WDR49: variants seen among roughly 807,000 people sequenced by gnomAD.
WDR49 encodes WD repeat domain 49.
Under a neutral mutation model 119.5 loss-of-function variants are expected in WDR49, and 107 were observed. The ratio of observed to expected loss-of-function variants is 0.90; its 90% CI spans 0.77 to 1.05. WDR49 has a LOEUF of 1.05. Ranked by LOEUF, WDR49 falls within the 50% of genes least tolerant of loss-of-function variation. The pLI is 0.00. For missense variants in WDR49, 1,240 were observed against 1,220.5 expected, an observed-to-expected ratio of 1.02 and a Z score of -0.24; for synonymous variants, 425 against 418.8, an observed-to-expected ratio of 1.01 and a Z score of -0.18.
chr3:167,585,965 G>A (rs899083651), intron 7 of WDR49, among the ~76,000 whole-genome samples: 1 of 152,054 alleles, frequency 6.6e-6, no homozygotes, highest in African/African-American at 2.4e-5. Context: ...TACTTTAAAT[G>A]AAAATCCTTT....
rs972025765 is a variant in WDR49 at position 167,620,618 on chromosome 3, TGAAA to T, written c.784-19_784-16del. The T allele has an allele frequency of 1.1e-5, 17 of 1,521,518 alleles. No homozygotes were observed. In the African/African-American group the frequency reaches 1.4e-4, roughly 12 times the overall value. 94.3% of individuals were successfully genotyped at this position (1,521,518 alleles called of 1,614,324 possible). ...ATTGCTTGAACCTTGACAGAGACAT[TGAAA>T]GAACAACAATCGTGGACGGGATATT... On this transcript the variant is annotated splice_polypyrimidine_tract_variant and intron_variant, in intron 4 of 18. Coordinates refer to ENST00000682715, the MANE Select transcript of WDR49 (RefSeq NM_001366157.1).
At chr3:167,605,547 G>A (rs774186119) in intron 5 of WDR49, among the ~76,000 whole-genome samples, 3 of 152,056 alleles carry the variant, frequency 2.0e-5, no homozygotes, top group Non-Finnish European at 4.4e-5. Context: ...GAGAAAAAAC[G>A]TGTAAATCAA....
chr3:167,563,276 C>T (rs1713381604), intron 8 of WDR49, among the ~76,000 whole-genome samples: 1 of 150,490 alleles, frequency 6.6e-6, no homozygotes, highest in South Asian at 2.1e-4. Context: ...AGGGCGTGAA[C>T]CCGGGAGGCG....
At chr3:167,543,463 C>G (rs1232323052) in intron 10 of WDR49, among the ~76,000 whole-genome samples, 1 of 151,924 alleles carries the variant, frequency 6.6e-6, no homozygotes, top group African/African-American at 2.4e-5. Context: ...GGTTTCATAC[C>G]AGGGATGCAG....
chr3:167,625,060 G>A (rs1207656745), intron 3 of WDR49, among the ~76,000 whole-genome samples: 1 of 152,008 alleles, frequency 6.6e-6, no homozygotes, highest in Non-Finnish European at 1.5e-5. Context: ...ATTTTGAGAG[G>A]ATGAATAGAT....
intron 17 of WDR49, among the ~76,000 whole-genome samples, chr3:167,504,506 C>A (rs1006711290): frequency 6.6e-6 from 1 of 152,166 alleles, no homozygotes; most frequent in African/African-American, 2.4e-5. Flanking sequence ...AATGCCTATG[C>A]CCCCATTTTA....
intron 5 of WDR49, among the ~76,000 whole-genome samples, chr3:167,619,605 G>A (rs1716769759): frequency 6.6e-6 from 1 of 152,128 alleles, no homozygotes; most frequent in African/African-American, 2.4e-5. Flanking sequence ...TTGGGTCCAT[G>A]TTGACTGTCT....
At position 167,620,521 on chromosome 3, in the gene WDR49, A is replaced by G; in HGVS notation, c.866T>C (p.Met289Thr). ...ASACEDGEAT[M>T]TINWAELLSG... is the part of the protein sequence containing the mutation. ...GAGCAGCTCTGCCCAGTTAATGGTC[A>G]TAGTGGCTTCTCCATCTTCACATGC... Residue 289 changes from methionine to threonine, a missense_variant, in exon 5 of 19, where the codon ATG becomes ACG. By Grantham distance (81) the Met-to-Thr change is moderately conservative (BLOSUM62 -1). Coordinates refer to ENST00000682715, the MANE Select transcript of WDR49 (RefSeq NM_001366157.1). 2.0e-6 allele frequency: 3 copies of G among 1,536,052 alleles called. No individual in the cohort carries two copies. The highest frequency in any genetic ancestry group is 2.6e-6 in the Non-Finnish European group (3 of 1,146,748).
chr3:167,535,855 G>C (rs1753003309), intron 11 of WDR49, among the ~76,000 whole-genome samples: 1 of 151,960 alleles, frequency 6.6e-6, no homozygotes, highest in Non-Finnish European at 1.5e-5. Context: ...ATGAATAAAT[G>C]AATAAAGAAA....
At chr3:167,518,384 C>T (rs550390208) in intron 16 of WDR49, among the ~76,000 whole-genome samples, 3 of 152,124 alleles carry the variant, frequency 2.0e-5, no homozygotes, top group Non-Finnish European at 4.4e-5. Flanking sequence ...TCCACATCCT[C>T]TCCGGCTCCT....
At chr3:167,514,336 A>T (rs1263267502) in intron 16 of WDR49, among the ~76,000 whole-genome samples, 1 of 152,174 alleles carries the variant, frequency 6.6e-6, no homozygotes, top group South Asian at 2.1e-4. Context: ...GAAGTTGAAC[A>T]TCCTGCTCTT....
rs910971233 is a variant in WDR49, at chr3:167,620,463, C to A, written c.924G>T (p.Glu308Asp). 19 of 1,535,914 alleles carry A rather than the reference C, an allele frequency of 1.2e-5. No individual in the cohort carries two copies. The highest frequency in any genetic ancestry group is 1.6e-5 in the Non-Finnish European group (18 of 1,146,598). Residue 308 changes from glutamate to aspartate, a missense_variant, in exon 5 of 19, where the codon GAG (glutamate) becomes GAT (aspartate). Glu to Asp is a conservative substitution (Grantham distance 45). Coordinates refer to ENST00000682715, the MANE Select transcript of WDR49 (RefSeq NM_001366157.1). ...SGCHKCCHIL[E>D]HKLHQGDWVR... ...CCCAATCTCCTTGATGAAGTTTATGCTCTAATATATGGCAACATTTGTGAC... is the reference window on the plus strand; with the variant it reads ...CCCAATCTCCTTGATGAAGTTTATGATCTAATATATGGCAACATTTGTGAC...
chr3:167,511,770 C>T lies in WDR49; in HGVS notation c.2775-6354G>A, dbSNP rs543383952. 2.0e-5 allele frequency among the ~76,000 whole-genome samples: 3 copies of T among 152,306 alleles called. No individual in the cohort carries two copies. In the South Asian group the frequency reaches 6.2e-4, roughly 32 times the overall value. ...GGCTCCAATCAGCCGTTTTCCCCTG[C>T]CGGTGTTGGGGAGACTGGGCAGTTT... On this transcript the variant is annotated intron_variant, in intron 16 of 18. Coordinates refer to ENST00000682715, the MANE Select transcript of WDR49 (RefSeq NM_001366157.1).
chr3:167,580,186 T>C (rs1047898359), intron 7 of WDR49, among the ~76,000 whole-genome samples: 3 of 152,200 alleles, frequency 2.0e-5, no homozygotes, highest in Non-Finnish European at 2.9e-5. Context: ...TTTAAATTAA[T>C]GTTTACTGTT....
rs745539670 is a variant in WDR49, at chr3:167,576,164, T to C, written c.1276-13A>G. 7 of 1,606,316 alleles carry C rather than the reference T, an allele frequency of 4.4e-6. No homozygotes were observed. In the East Asian group the frequency reaches 1.6e-4, roughly 36 times the overall value. ...AGAGTCTCAAAACCTGGATGAAAAG[T>C]GATAAAATCATTTCAATATGTCAAA... On this transcript the variant is annotated splice_polypyrimidine_tract_variant and intron_variant, in intron 7 of 18. Transcript: ENST00000682715.
chr3:167,563,376 AAG>A (rs564656559), intron 8 of WDR49, among the ~76,000 whole-genome samples: 34 of 135,144 alleles, frequency 2.5e-4, no homozygotes, highest in African/African-American at 1.1e-3. Context: ...AAAAAAAAAA[AAG>A]AAAGAAACCT....
At chr3:167,571,392 G>A (rs760966056) in intron 8 of WDR49, among the ~76,000 whole-genome samples, 5 of 151,900 alleles carry the variant, frequency 3.3e-5, no homozygotes, top group African/African-American at 1.2e-4. Flanking sequence ...AGATTCTAGG[G>A]GGCAATTTAT....
In WDR49 at chr3:167,511,560, G is replaced by C. The variant is rs950925773; in HGVS notation, c.2775-6144C>G. On this transcript the variant is annotated intron_variant, in intron 16 of 18. Coordinates refer to ENST00000682715, the MANE Select transcript of WDR49 (RefSeq NM_001366157.1). ...TGGTGAGTGACTGAGCTACCTCCCA[G>C]GGAAACCATGTTTTTTTCCACCGAT... Among the ~76,000 whole-genome samples, 6 of 152,246 alleles carry C rather than the reference G, an allele frequency of 3.9e-5. No individual in the cohort carries two copies. The Middle Eastern group carries it at 0.017, about 432-fold the overall frequency.
intron 18 of WDR49, among the ~76,000 whole-genome samples, chr3:167,496,873 A>G (rs538724775): frequency 8.5e-5 from 13 of 152,116 alleles, no homozygotes; most frequent in Non-Finnish European, 1.6e-4. Flanking sequence ...TCAGTACCCC[A>G]AACTTAACAC....
Sources: gnomAD v4.1 joint callset for allele counts (sites outside exome capture counted in the v4.1 genomes callset) on GRCh38, gnomAD v4.1.1 for gene constraint, MANE v1.5 for transcripts, NCBI Gene and HGNC (gene_info 2026-07-23, HGNC 2026-07-21) for gene names.